Variants in HS6ST3 observed in about 807,000 individuals in gnomAD.
The protein encoded by HS6ST3 is heparan-sulfate 6-O-sulfotransferase 3.
A neutral mutation model predicts 36.7 loss-of-function variants in HS6ST3; 12 were observed. The ratio of observed to expected loss-of-function variants is 0.33; its 90% CI spans 0.21 to 0.53. The LOEUF is 0.53. HS6ST3 is among the 20% of genes least tolerant of loss of function. The probability of loss-of-function intolerance (pLI) is 0.95; values close to 1 mark genes in which losing one functional copy is unlikely to be tolerated. For synonymous variants in HS6ST3, 240 were observed against 257.5 expected, an observed-to-expected ratio of 0.93 and a Z score of 0.65; for missense variants, 584 against 640.9, an observed-to-expected ratio of 0.91 and a Z score of 0.96.
intron 1 of HS6ST3, among the ~76,000 whole-genome samples, chr13:96,341,104 G>A (rs562798135): frequency 3.4e-4 from 52 of 152,240 alleles, no homozygotes; most frequent in Non-Finnish European, 7.2e-4. Context: ...AATTTGGCCA[G>A]TTTTCAAATG....
chr13:96,585,869 G>A (rs1349243511), intron 1 of HS6ST3, among the ~76,000 whole-genome samples: 2 of 152,106 alleles, frequency 1.3e-5, no homozygotes, highest in Non-Finnish European at 2.9e-5. Context: ...ACACTTAATT[G>A]ACTCCATATT....
chr13:96,409,459 T>G (rs973490354), intron 1 of HS6ST3, among the ~76,000 whole-genome samples: 2 of 152,248 alleles, frequency 1.3e-5, no homozygotes, highest in African/African-American at 4.8e-5. Flanking sequence ...CTGAAATATT[T>G]GTTAAACTTA....
intron 1 of HS6ST3, among the ~76,000 whole-genome samples, chr13:96,755,644 T>A (rs916392193): frequency 3.9e-5 from 6 of 152,226 alleles, no homozygotes; most frequent in Non-Finnish European, 8.8e-5. Flanking sequence ...ATTACAGGCC[T>A]GAGCCACCAC....
At chr13:96,794,822 G>T (rs554841840) in intron 1 of HS6ST3, among the ~76,000 whole-genome samples, 1 of 152,176 alleles carries the variant, frequency 6.6e-6, no homozygotes, top group South Asian at 2.1e-4. Context: ...ATGAAGTAGA[G>T]ATGGGCTTTC....
At chr13:96,182,030 A>C (rs2054242412) in intron 1 of HS6ST3, among the ~76,000 whole-genome samples, 1 of 152,180 alleles carries the variant, frequency 6.6e-6, no homozygotes, top group African/African-American at 2.4e-5. Context: ...GAAATTTGTC[A>C]GATGAGAAAT....
intron 1 of HS6ST3, among the ~76,000 whole-genome samples, chr13:96,317,749 A>G (rs1047886239): frequency 2.7e-5 from 4 of 150,244 alleles, no homozygotes; most frequent in African/African-American, 9.8e-5. Context: ...TTTTTGTAAT[A>G]GCCGTTCTGA....
intron 1 of HS6ST3, among the ~76,000 whole-genome samples, chr13:96,608,193 G>A (rs2056445558): frequency 6.6e-6 from 1 of 152,046 alleles, no homozygotes; most frequent in African/African-American, 2.4e-5. Context: ...TCAATAAAGG[G>A]GAAATATATA....
At chr13:96,825,457 G>C (rs1878628793) in intron 1 of HS6ST3, among the ~76,000 whole-genome samples, 1 of 152,108 alleles carries the variant, frequency 6.6e-6, no homozygotes, top group African/African-American at 2.4e-5. Flanking sequence ...CAGAAAGCCG[G>C]GGAGAGCAGT....
At chr13:96,176,344 G>A (rs1351757589) in intron 1 of HS6ST3, among the ~76,000 whole-genome samples, 1 of 152,124 alleles carries the variant, frequency 6.6e-6, no homozygotes, top group Non-Finnish European at 1.5e-5. Context: ...AATATTTGAT[G>A]AGAGGAAGTT....
intron 1 of HS6ST3, among the ~76,000 whole-genome samples, chr13:96,445,023 A>G (rs981591544): frequency 3.9e-5 from 6 of 152,232 alleles, no homozygotes; most frequent in African/African-American, 1.4e-4. Context: ...AAATGGGGGT[A>G]TCAAATGTAG....
At chr13:96,714,872 T>A (rs748141548) in intron 1 of HS6ST3, among the ~76,000 whole-genome samples, 1 of 151,818 alleles carries the variant, frequency 6.6e-6, no homozygotes, top group Admixed American at 6.6e-5. Flanking sequence ...TTAATTTAAT[T>A]TTTTTTTCTT....
intron 1 of HS6ST3, among the ~76,000 whole-genome samples, chr13:96,581,517 T>A (rs1469581777): frequency 6.6e-6 from 1 of 152,208 alleles, no homozygotes; most frequent in East Asian, 1.9e-4. Context: ...CCACCGCGCC[T>A]GGCCAACAAC....
chr13:96,480,361 G>A (rs532499119), intron 1 of HS6ST3, among the ~76,000 whole-genome samples: 5 of 152,194 alleles, frequency 3.3e-5, no homozygotes, highest in Admixed American at 6.5e-5. Context: ...TGATCTGCCC[G>A]CCTCGACCTT....
intron 1 of HS6ST3, among the ~76,000 whole-genome samples, chr13:96,310,656 C>CCTCCCTCCCTGCCTAT (rs2054936214): frequency 2.1e-5 from 3 of 146,212 alleles, no homozygotes; most frequent in Non-Finnish European, 4.5e-5. Flanking sequence ...TATGTCCCTC[C>CCTCCCTCCCTGCCTAT]CTCCCTCCCT....
intron 1 of HS6ST3, among the ~76,000 whole-genome samples, chr13:96,407,198 G>A (rs1423841685): frequency 6.6e-6 from 1 of 152,164 alleles, no homozygotes; most frequent in Non-Finnish European, 1.5e-5. Context: ...AGTTCAAAAG[G>A]GGAGAGCTAT....
intron 1 of HS6ST3, among the ~76,000 whole-genome samples, chr13:96,799,984 A>ATATATATATATGTATATATATATATATG (rs1184198358): frequency 1.1e-4 from 10 of 92,474 alleles, no homozygotes; most frequent in African/African-American, 3.8e-4. Context: ...ATATATATGT[A>ATATATATATATGTATATATATATATATG]TATATATATA....
intron 1 of HS6ST3, among the ~76,000 whole-genome samples, chr13:96,716,806 A>G (rs936900020): frequency 1.3e-5 from 2 of 152,232 alleles, no homozygotes; most frequent in Admixed American, 6.5e-5. Context: ...AAGATAGCAT[A>G]CAGTAACCGT....
At chr13:96,729,007 T>C (rs932492281) in intron 1 of HS6ST3, among the ~76,000 whole-genome samples, 3 of 152,166 alleles carry the variant, frequency 2.0e-5, no homozygotes, top group South Asian at 2.1e-4. Flanking sequence ...GAATGCCTCA[T>C]GTAAGAATGC....
intron 1 of HS6ST3, among the ~76,000 whole-genome samples, chr13:96,797,816 A>C (rs867734302): frequency 2.3e-4 from 35 of 152,070 alleles, no homozygotes; most frequent in Admixed American, 3.9e-4. Flanking sequence ...GAAAGCCATC[A>C]ATTCTGCAGT....
Sources: allele counts gnomAD v4.1 joint callset (sites outside exome capture counted in the v4.1 genomes callset), GRCh38; gene constraint gnomAD v4.1.1; transcripts MANE v1.5; gene names NCBI Gene and HGNC (gene_info 2026-07-23, HGNC 2026-07-21).